MTOR: variants seen among roughly 807,000 people sequenced by gnomAD.
MTOR encodes the protein mechanistic target of rapamycin kinase.
MTOR carries 70 observed loss-of-function variants against 319.8 expected under a neutral mutation model. The observed-to-expected ratio is 0.22, with a 90% confidence interval of 0.18 to 0.27. MTOR has a LOEUF of 0.27. Ranked by LOEUF, MTOR falls within the 10% of genes least tolerant of loss-of-function variation. The pLI is 1.00. For missense variants in MTOR, 1,890 were observed against 3,274.4 expected (o/e 0.58, Z 10.32); for synonymous variants, 1,183 against 1,211.4 (o/e 0.98, Z 0.49).
At chr1:11,120,372 C>T (rs944674412) in intron 49 of MTOR, among the ~76,000 whole-genome samples, 5 of 152,090 alleles carry the variant, frequency 3.3e-5, no homozygotes, top group African/African-American at 4.8e-5. Flanking sequence ...AACCCTGTCT[C>T]TACTAAGAAT....
At chr1:11,205,943 T>A (rs77290032) in intron 25 of MTOR, among the ~76,000 whole-genome samples, 1,953 of 152,300 alleles carry the variant, frequency 0.013, 56 homozygotes, top group African/African-American at 0.044. Context: ...AACCATCACC[T>A]CCCTGGGATA....
chr1:11,161,614 T>C (rs934546582), intron 29 of MTOR, among the ~76,000 whole-genome samples: 5 of 152,128 alleles, frequency 3.3e-5, no homozygotes, highest in East Asian at 1.9e-4. Context: ...GGCAGCAACA[T>C]TGGCTGCTCT....
chr1:11,202,420 C>CAAA (rs35136193), intron 26 of MTOR, among the ~76,000 whole-genome samples: 3,735 of 71,254 alleles, frequency 0.052, 180 homozygotes, highest in South Asian at 0.13. Flanking sequence ...AACTCCGTCT[C>CAAA]AAAAAAAAAA....
chr1:11,160,170 A>G (rs1287287188), intron 29 of MTOR, among the ~76,000 whole-genome samples: 1 of 151,788 alleles, frequency 6.6e-6, no homozygotes, highest in Non-Finnish European at 1.5e-5. Flanking sequence ...GAACAATCTC[A>G]GCTCACTGCA....
chr1:11,111,931 G>A (rs1416008186), intron 54 of MTOR, among the ~76,000 whole-genome samples: 1 of 148,706 alleles, frequency 6.7e-6, no homozygotes, highest in Non-Finnish European at 1.5e-5. Context: ...AGAGGGGAGG[G>A]CTAAACAAAG....
intron 36 of MTOR, chr1:11,138,833 T>A (rs540484758): frequency 6.5e-6 from 1 of 153,914 alleles, no homozygotes; most frequent in Non-Finnish European, 1.4e-5. Context: ...GAATTCTACA[T>A]TGGCTTCAAG....
chr1:11,181,013 A>C (rs750794803), intron 28 of MTOR, among the ~76,000 whole-genome samples: 2 of 152,090 alleles, frequency 1.3e-5, no homozygotes, highest in Non-Finnish European at 2.9e-5. Flanking sequence ...TTGACTTTGT[A>C]ATCTGCCCGT....
rs746868923 is a variant in MTOR at position 11,258,613 on chromosome 1, C to G, written c.163-20G>C. 6.4e-7 allele frequency: 1 copy of G among 1,569,318 alleles called. No individual in the cohort carries two copies. Among genetic ancestry groups the G allele is most frequent in the Non-Finnish European group, 8.8e-7 (1 of 1,141,752 alleles). ...ACTCATCTGCAAAAGAAGATATAAT[C>G]AGAACAATTTCTAATAATTCTCTAA... On this transcript the variant is annotated intron_variant, in intron 2 of 57. Coordinates refer to ENST00000361445, the MANE Select transcript of MTOR (RefSeq NM_004958.4).
chr1:11,249,203 C>A (rs1232302251), intron 6 of MTOR, among the ~76,000 whole-genome samples: 3 of 151,468 alleles, frequency 2.0e-5, no homozygotes, highest in African/African-American at 4.8e-5. Flanking sequence ...CCAGCCTGGG[C>A]AGCAGAGCAA....
At chr1:11,219,205 C>A (rs1241446334) in intron 19 of MTOR, among the ~76,000 whole-genome samples, 2 of 150,784 alleles carry the variant, frequency 1.3e-5, no homozygotes, top group South Asian at 2.1e-4. Flanking sequence ...CAAAGTGAGA[C>A]CCTGTTTCAA....
intron 28 of MTOR, among the ~76,000 whole-genome samples, chr1:11,171,194 CAA>C (rs946569273): frequency 2.0e-4 from 24 of 122,442 alleles, no homozygotes; most frequent in Admixed American, 4.1e-4. Context: ...GACTCTATCT[CAA>C]AAAAAAAAAA....
chr1:11,206,415 A>G (rs1646139996), intron 25 of MTOR, among the ~76,000 whole-genome samples: 1 of 152,174 alleles, frequency 6.6e-6, no homozygotes, highest in Admixed American at 6.6e-5. Flanking sequence ...CATTGATGCT[A>G]GTTGACACTG....
intron 31 of MTOR, 85 bp downstream of exon 31, chr1:11,150,041 T>C (rs1644084210): frequency 3.3e-6 from 4 of 1,211,262 alleles, no homozygotes. Context: ...GATCTCCACC[T>C]AGAGCCAGCA....
At chr1:11,250,825 G>A (rs769326398) in intron 6 of MTOR, among the ~76,000 whole-genome samples, 1 of 152,108 alleles carries the variant, frequency 6.6e-6, no homozygotes, top group Non-Finnish European at 1.5e-5. Flanking sequence ...CCACTGCAGT[G>A]AATGGCAACT....
intron 29 of MTOR, among the ~76,000 whole-genome samples, chr1:11,161,980 T>C (rs1246404005): frequency 1.3e-5 from 2 of 152,088 alleles, no homozygotes; most frequent in Admixed American, 6.6e-5. Context: ...ATGATCAAAC[T>C]TTTCCAAGCT....
At chr1:11,182,632 G>A (rs1645195707) in intron 28 of MTOR, among the ~76,000 whole-genome samples, 1 of 152,038 alleles carries the variant, frequency 6.6e-6, no homozygotes, top group African/African-American at 2.4e-5. Flanking sequence ...CAGCTCAGAG[G>A]CACTGAGCCC....
At chr1:11,228,569 G>A (rs2100852924) in intron 19 of MTOR, 99 bp downstream of exon 19, 2 of 1,488,064 alleles carry the variant, frequency 1.3e-6, no homozygotes, top group Admixed American at 1.8e-5. Context: ...TTGGGCTCAG[G>A]GGCACAGAGA....
chr1:11,215,915 C>T (rs1646455193), intron 20 of MTOR, among the ~76,000 whole-genome samples: 1 of 152,196 alleles, frequency 6.6e-6, no homozygotes, highest in Non-Finnish European at 1.5e-5. Flanking sequence ...TCTGGCAGAA[C>T]AATTACTGCA....
At chr1:11,176,779 C>A (rs2100650946) in intron 28 of MTOR, among the ~76,000 whole-genome samples, 1 of 152,334 alleles carries the variant, frequency 6.6e-6, no homozygotes, top group Non-Finnish European at 1.5e-5. Context: ...TGAGGCTTAG[C>A]TCTGTGCCCA....
Sources: gnomAD v4.1 joint callset for allele counts (sites outside exome capture counted in the v4.1 genomes callset) on GRCh38, gnomAD v4.1.1 for gene constraint, MANE v1.5 for transcripts, NCBI Gene and HGNC (gene_info 2026-07-23, HGNC 2026-07-21) for gene names.